PPP2R5C: variants seen among roughly 807,000 people sequenced by gnomAD.
PPP2R5C encodes the protein serine/threonine-protein phosphatase 2A 56 kDa regulatory subunit gamma isoform.
Under a neutral mutation model 68.9 loss-of-function variants are expected in PPP2R5C, and 7 were observed. The observed-to-expected ratio is 0.10, with a 90% confidence interval of 0.06 to 0.19. PPP2R5C has a LOEUF of 0.19. PPP2R5C is among the 10% of genes least tolerant of loss of function. The pLI is 1.00. For synonymous variants in PPP2R5C, 210 were observed against 222.2 expected (o/e 0.95, Z 0.49); for missense variants, 348 against 641.3 (o/e 0.54, Z 4.94).
intron 1 of PPP2R5C, among the ~76,000 whole-genome samples, chr14:101,849,103 C>CT (rs1213656491): frequency 2.0e-5 from 3 of 152,210 alleles, no homozygotes; most frequent in African/African-American, 7.2e-5. Flanking sequence ...TCATTCATCT[C>CT]TATCGCTTTG....
upstream of PPP2R5C, chr14:101,761,677 A>ACGCCGCCGCTGCCGCCGCCGC (rs1427684650): frequency 1.0e-5 from 2 of 192,874 alleles, no homozygotes; most frequent in Non-Finnish European, 1.7e-5. Flanking sequence ...GGGCGGAGAG[A>ACGCCGCCGCTGCCGCCGCCGC]CGCCGCCGCT....
chr14:101,902,942 T>A (rs1357392610), intron 9 of PPP2R5C, among the ~76,000 whole-genome samples: 3 of 151,930 alleles, frequency 2.0e-5, no homozygotes, highest in Non-Finnish European at 2.9e-5. Context: ...ATACAAATAT[T>A]CAGGTTATTT....
chr14:101,906,762 C>G lies in PPP2R5C; in HGVS notation c.1151+233C>G, dbSNP rs1396807163. ...ATAGAGGCACATTGGTTTGCAGCCACCTCCCAGTAGCAGCAGTTTCTAGGC... is the reference window on the plus strand; with the variant it reads ...ATAGAGGCACATTGGTTTGCAGCCAGCTCCCAGTAGCAGCAGTTTCTAGGC... On this transcript the variant is annotated intron_variant, in intron 10 of 13. Coordinates refer to ENST00000334743, the Ensembl canonical transcript of PPP2R5C. This position sits in a 1 kb window ranked among gnomAD's most constrained non-coding sequence, Gnocchi z 4.0. 12 of 481,720 alleles carry G rather than the reference C, an allele frequency of 2.5e-5. No individual in the cohort carries two copies. Among genetic ancestry groups the G allele is most frequent in the Non-Finnish European group, 4.3e-5 (12 of 278,238 alleles). 29.8% of individuals were successfully genotyped at this position (481,720 alleles called of 1,614,324 possible). A position where few individuals can be genotyped will look rare whatever the true frequency, so the allele number is the denominator to read the frequency against.
chr14:101,901,874 C>T, exon 9 of PPP2R5C: 2 of 1,614,190 alleles, frequency 1.2e-6, no homozygotes, highest in Non-Finnish European at 1.7e-6. Flanking sequence ...AATGTGTCTC[C>T]AGCCCACACT....
At chr14:101,880,004 G>A (rs1221113100) in intron 2 of PPP2R5C, among the ~76,000 whole-genome samples, 2 of 152,144 alleles carry the variant, frequency 1.3e-5, no homozygotes, top group African/African-American at 4.8e-5. Context: ...TGCCAGGAGG[G>A]GCAGACTAGA....
chr14:101,850,586 A>T (rs1485654712), intron 1 of PPP2R5C, among the ~76,000 whole-genome samples: 1 of 152,198 alleles, frequency 6.6e-6, no homozygotes, highest in African/African-American at 2.4e-5. Flanking sequence ...ATAAAGGGCC[A>T]TGAGCAGTGA....
intron 12 of PPP2R5C, chr14:101,914,369 T>G (rs2046548251): frequency 3.7e-6 from 1 of 273,964 alleles, no homozygotes; most frequent in African/African-American, 2.2e-5. Context: ...CTGGAAACTC[T>G]GGCCTCGTAC....
At chr14:101,800,685 A>C (rs1055736997) in intron 3 of PPP2R5C, among the ~76,000 whole-genome samples, 1 of 152,006 alleles carries the variant, frequency 6.6e-6, no homozygotes, top group African/African-American at 2.4e-5. Context: ...TAGAAATAAA[A>C]AACATCCATA....
chr14:101,772,653 G>A (rs755061045), intron 2 of PPP2R5C, among the ~76,000 whole-genome samples: 1 of 151,882 alleles, frequency 6.6e-6, no homozygotes, highest in African/African-American at 2.4e-5. Context: ...TTTAAAAGCC[G>A]AGTGTGGTGG....
intron 2 of PPP2R5C, among the ~76,000 whole-genome samples, chr14:101,881,804 C>T (rs1423116897): frequency 1.3e-5 from 2 of 152,244 alleles, no homozygotes; most frequent in Non-Finnish European, 2.9e-5. Flanking sequence ...CCCTTTCTTA[C>T]TCTCATTTTG....
chr14:101,764,003 T>TTG (rs3221573), intron 2 of PPP2R5C, among the ~76,000 whole-genome samples: 12,978 of 137,178 alleles, frequency 0.095, 559 homozygotes, highest in Middle Eastern at 0.11. Context: ...ATTGTTCACA[T>TTG]TGTGTGTGTG....
chr14:101,779,630 C>G (rs1566829535), intron 2 of PPP2R5C, among the ~76,000 whole-genome samples: 1 of 151,986 alleles, frequency 6.6e-6, no homozygotes, highest in African/African-American at 2.4e-5. Context: ...AGAGATGAGT[C>G]CTGGAAAAAT....
At chr14:101,805,097 A>G (rs1459663408), upstream of PPP2R5C, among the ~76,000 whole-genome samples, 1 of 152,054 alleles carries the variant, frequency 6.6e-6, no homozygotes, top group African/African-American at 2.4e-5. Context: ...TTTGTTTTTT[A>G]GGGTCTGTTT....
chr14:101,776,819 C>T (rs2037443171), intron 2 of PPP2R5C, among the ~76,000 whole-genome samples: 2 of 151,936 alleles, frequency 1.3e-5, no homozygotes, highest in Non-Finnish European at 2.9e-5. Context: ...GTCTGGCTTC[C>T]TTTACTTCGC....
intron 1 of PPP2R5C, among the ~76,000 whole-genome samples, chr14:101,854,514 A>C (rs2042309953): frequency 6.6e-6 from 1 of 152,226 alleles, no homozygotes; most frequent in Non-Finnish European, 1.5e-5. Flanking sequence ...TTACCTAGGC[A>C]GTAAGGAAAG....
Position 101,892,463 on chromosome 14 carries a change from G to T in PPP2R5C, c.690-537G>T, listed in dbSNP as rs566747528. On this transcript the variant is annotated intron_variant, in intron 6 of 13. Coordinates refer to ENST00000334743, the Ensembl canonical transcript of PPP2R5C. ...AGGGAGGAAGATTTTGCCACCAGGA[G>T]CTCCTGCTGTTGAGCCAGCTCCCTG... is the stretch of plus-strand genomic sequence containing the variant. Among the ~76,000 whole-genome samples the T allele has an allele frequency of 8.5e-5, 13 of 152,264 alleles. No individual in the cohort carries two copies. The South Asian group carries it at 2.5e-3, about 29-fold the overall frequency.
chr14:101,878,651 G>A (rs1041144935), intron 2 of PPP2R5C, among the ~76,000 whole-genome samples: 4 of 152,178 alleles, frequency 2.6e-5, no homozygotes, highest in Non-Finnish European at 4.4e-5. Context: ...GACAGGCAGC[G>A]GGCACGAGAC....
chr14:101,878,475 C>T (rs2043934715), intron 2 of PPP2R5C, among the ~76,000 whole-genome samples: 1 of 152,224 alleles, frequency 6.6e-6, no homozygotes. Context: ...AAACCCTAAT[C>T]ACTAGCTTTC....
rs142141187 is a variant in PPP2R5C at position 101,844,659 on chromosome 14, G to A, written c.95-12027G>A. Among the ~76,000 whole-genome samples, 1,458 of 152,274 alleles carry A rather than the reference G, an allele frequency of 9.6e-3. 30 individuals are homozygous for A. Among genetic ancestry groups the A allele is most frequent in the African/African-American group, 0.033 (1,377 of 41,534 alleles). On this transcript the variant is annotated intron_variant, in intron 1 of 13. Transcript: ENST00000334743. ...AGAAAGGAAGTAGAGAACATAAAAA[G>A]GGCCTGGAAAAGTGTGTGTATTTTC...
Sources: allele counts gnomAD v4.1 joint callset (sites outside exome capture counted in the v4.1 genomes callset), GRCh38; gene constraint gnomAD v4.1.1; non-coding constraint Gnocchi (gnomAD v3.1); transcripts MANE v1.5; gene names NCBI Gene and HGNC (gene_info 2026-07-23, HGNC 2026-07-21).